Variants in SHCBP1L observed in about 807,000 individuals in gnomAD.
SHCBP1L encodes the protein SHC binding and spindle associated 1 like.
A neutral mutation model predicts 62.5 loss-of-function variants in SHCBP1L; 67 were observed. The ratio of observed to expected loss-of-function variants is 1.07; its 90% CI spans 0.88 to 1.31. SHCBP1L has a LOEUF of 1.31. Ranked by LOEUF, SHCBP1L falls within the 40% of genes most tolerant of loss-of-function variation. The pLI is 0.00. For synonymous variants in SHCBP1L, 284 were observed against 289.4 expected, an observed-to-expected ratio of 0.98 and a Z score of 0.19; for missense variants, 823 against 809.8, an observed-to-expected ratio of 1.02 and a Z score of -0.20.
rs878934528 is a variant in SHCBP1L, at chr1:182,951,527, G to A, written c.406-60C>T. ...TATGAAATTATAGATTTTAAACTAA[G>A]TGGTTTTTTTTTTTTTTACTGATTT... On this transcript the variant is annotated intron_variant, in intron 1 of 9. Coordinates refer to ENST00000367547, the MANE Select transcript of SHCBP1L (RefSeq NM_030933.4). 4 of 1,126,526 alleles carry A rather than the reference G, an allele frequency of 3.6e-6. No individual in the cohort carries two copies. In the African/African-American group the frequency reaches 6.5e-5, roughly 18 times the overall value. 69.8% of individuals were successfully genotyped at this position (1,126,526 alleles called of 1,614,324 possible).
In SHCBP1L at chr1:182,930,551, G is replaced by A. The variant is rs6424875; in HGVS notation, c.1077-799C>T. ...AAGAGGATGTGGCTTTAGTGTGTGT[G>A]TATATATATATATATATATATATAT... On this transcript the variant is annotated intron_variant, in intron 5 of 9. Coordinates refer to ENST00000367547, the MANE Select transcript of SHCBP1L (RefSeq NM_030933.4). Among the ~76,000 whole-genome samples, 152 of 49,418 alleles carry A rather than the reference G, an allele frequency of 3.1e-3. 2 individuals carry two copies. The highest frequency in any genetic ancestry group is 0.013 in the Middle Eastern group (1 of 78). 32.4% of individuals were successfully genotyped at this position (49,418 alleles called of 152,430 possible).
intron 5 of SHCBP1L, among the ~76,000 whole-genome samples, chr1:182,936,590 A>G (rs376302935): frequency 6.6e-5 from 10 of 152,170 alleles, no homozygotes; most frequent in East Asian, 3.8e-4. Flanking sequence ...ATAACACTAT[A>G]CTACTTCACA....
chr1:182,926,907 A>G (rs1425102299), intron 6 of SHCBP1L, among the ~76,000 whole-genome samples: 1 of 151,746 alleles, frequency 6.6e-6, no homozygotes. Context: ...TAAATATGAA[A>G]CATAGGATTA....
At chr1:182,917,777 A>C (rs1038871155) in intron 6 of SHCBP1L, among the ~76,000 whole-genome samples, 2 of 152,060 alleles carry the variant, frequency 1.3e-5, no homozygotes, top group East Asian at 3.9e-4. Flanking sequence ...GCTTCATTTT[A>C]ATTTAATCAT....
chr1:182,916,453 G>A (rs1650357868), intron 6 of SHCBP1L, among the ~76,000 whole-genome samples: 1 of 151,968 alleles, frequency 6.6e-6, no homozygotes, highest in Non-Finnish European at 1.5e-5. Flanking sequence ...ATTGACAAAA[G>A]TTTAGCTAGA....
At chr1:182,927,671 C>CAAAAAA (rs1049517840) in intron 6 of SHCBP1L, among the ~76,000 whole-genome samples, 1 of 72,818 alleles carries the variant, frequency 1.4e-5, no homozygotes, top group African/African-American at 4.3e-5. Flanking sequence ...GACTCCGTCT[C>CAAAAAA]AAAAAAAAAA....
chr1:182,919,280 G>A (rs886728489), intron 6 of SHCBP1L, among the ~76,000 whole-genome samples: 7 of 152,174 alleles, frequency 4.6e-5, no homozygotes, highest in Non-Finnish European at 1.0e-4. Context: ...TGCCTGGTGA[G>A]GCCATTCTCT....
chr1:182,904,162 T>A lies in SHCBP1L; in HGVS notation c.1587+18A>T, dbSNP rs766816614. On this transcript the variant is annotated intron_variant, in intron 8 of 9. Transcript: ENST00000367547. ...ATCTATAGTCATATAAGGCCATACT[T>A]TTTAAAGAATGAAATACCTGGGCGC... is the stretch of plus-strand genomic sequence containing the variant. The A allele has an allele frequency of 5.0e-6, 8 of 1,612,412 alleles. No homozygotes were observed. The highest frequency in any genetic ancestry group is 3.3e-5 in the Admixed American group (2 of 59,790).
At chr1:182,950,047 T>C (rs1176603576) in intron 2 of SHCBP1L, among the ~76,000 whole-genome samples, 1 of 152,086 alleles carries the variant, frequency 6.6e-6, no homozygotes, top group African/African-American at 2.4e-5. Flanking sequence ...CCTCCCAAAG[T>C]GTTGGGACTA....
chr1:182,947,361 T>C (rs1466090562), intron 2 of SHCBP1L, among the ~76,000 whole-genome samples: 2 of 152,198 alleles, frequency 1.3e-5, no homozygotes, highest in African/African-American at 2.4e-5. Context: ...CCGATTTTCA[T>C]AGAAGACATT....
At chr1:182,925,229 A>G (rs969810734) in intron 6 of SHCBP1L, among the ~76,000 whole-genome samples, 1 of 152,210 alleles carries the variant, frequency 6.6e-6, no homozygotes, top group Non-Finnish European at 1.5e-5. Flanking sequence ...TAAAGCGCAC[A>G]AAAGGAAGTG....
Position 182,918,066 on chromosome 1 carries a change from C to A in SHCBP1L, c.1182+11581G>T, listed in dbSNP as rs139413823. 1.5e-3 allele frequency among the ~76,000 whole-genome samples: 218 copies of A among 149,630 alleles called. 2 individuals are homozygous for A. The highest frequency in any genetic ancestry group is 4.2e-3 in the African/African-American group (172 of 40,770). On this transcript the variant is annotated intron_variant, in intron 6 of 9. Transcript: ENST00000367547. ...ACCCTATATATACTCTCCTCTCTCTCTCTATATATATATGTATATATACAC... is the reference window on the plus strand; with the variant it reads ...ACCCTATATATACTCTCCTCTCTCTATCTATATATATATGTATATATACAC...
chr1:182,936,559 C>G (rs1439008265), intron 5 of SHCBP1L, among the ~76,000 whole-genome samples: 7 of 152,016 alleles, frequency 4.6e-5, no homozygotes, highest in Non-Finnish European at 8.8e-5. Flanking sequence ...ATATTTTTAA[C>G]TAATTTAAGT....
In SHCBP1L at chr1:182,904,404, T is replaced by C. The variant is rs747964055; in HGVS notation, c.1363A>G (p.Ile455Val). 4.5e-5 allele frequency: 72 copies of C among 1,614,008 alleles called. No individual in the cohort carries two copies. Among genetic ancestry groups the C allele is most frequent in the Non-Finnish European group, 6.0e-5 (71 of 1,180,022 alleles). Residue 455 changes from isoleucine to valine, a missense_variant, in exon 8 of 10, where the codon ATT (isoleucine) becomes GTT (valine). Ile to Val is a conservative substitution (Grantham distance 29). Transcript: ENST00000367547. ...KGVGKREEIM[I>V]TSEPSRDSFV... is the part of the protein sequence containing the mutation. ...CTGTCACGAGAAGGTTCAGAAGTAA[T>C]CATAATTTCCTCTCTCTTTCCAACT...
chr1:182,914,238 C>T (rs539305767), intron 6 of SHCBP1L, among the ~76,000 whole-genome samples: 2 of 151,922 alleles, frequency 1.3e-5, no homozygotes, highest in African/African-American at 4.8e-5. Flanking sequence ...TTAGGCCTAT[C>T]CTAAAAGAAA....
intron 5 of SHCBP1L, among the ~76,000 whole-genome samples, chr1:182,932,165 T>C (rs2101944575): frequency 6.9e-6 from 1 of 144,836 alleles, no homozygotes; most frequent in African/African-American, 2.8e-5. Flanking sequence ...ACATTCCTTG[T>C]CTGGGTGTCC....
Position 182,939,321 on chromosome 1 carries a change from T to C in SHCBP1L, c.931A>G (p.Lys311Glu), listed in dbSNP as rs752130788. 1.2e-6 allele frequency: 2 copies of C among 1,614,042 alleles called. No homozygotes were observed. Among genetic ancestry groups the C allele is most frequent in the South Asian group, 2.2e-5 (2 of 91,076 alleles). The change falls in exon 5 of 10, where the codon AAA becomes GAA. Residue 311 changes from lysine to glutamate, a missense_variant. Transcript: ENST00000367547. ...QRFKKTLEKY[K>E]NKRVELIEYQ... ...TCAATGAGCTCGACACGTTTGTTTTTATATTTCTCCAAAGTTTTTTTAAAA... is the reference window on the plus strand; with the variant it reads ...TCAATGAGCTCGACACGTTTGTTTTCATATTTCTCCAAAGTTTTTTTAAAA...
At chr1:182,930,967 C>T (rs1230486611) in intron 5 of SHCBP1L, among the ~76,000 whole-genome samples, 1 of 149,118 alleles carries the variant, frequency 6.7e-6, no homozygotes. Context: ...CTCAAGCAGT[C>T]CTCCCACCTT....
At chr1:182,910,329 T>A (rs1404755818) in intron 6 of SHCBP1L, among the ~76,000 whole-genome samples, 1 of 152,186 alleles carries the variant, frequency 6.6e-6, no homozygotes, top group Non-Finnish European at 1.5e-5. Flanking sequence ...GCAGCAGCAA[T>A]GGAAATGGCA....
Sources: allele counts gnomAD v4.1 joint callset (sites outside exome capture counted in the v4.1 genomes callset), GRCh38; gene constraint gnomAD v4.1.1; transcripts MANE v1.5; gene names NCBI Gene and HGNC (gene_info 2026-07-23, HGNC 2026-07-21).